MAGI2: variants seen among roughly 807,000 people sequenced by gnomAD.
MAGI2 encodes membrane associated guanylate kinase, WW and PDZ domain containing 2.
In MAGI2, 35 loss-of-function variants were observed where a neutral mutation model predicts 133.3. That is an observed-to-expected ratio of 0.26 (90% CI 0.20 to 0.35). MAGI2 has a LOEUF of 0.35. MAGI2 is among the 10% of genes least tolerant of loss of function. MAGI2 has a pLI of 1.00. For synonymous variants in MAGI2, 729 were observed against 710.6 expected (o/e 1.03, Z -0.41); for missense variants, 1,636 against 1,863.4 (o/e 0.88, Z 2.25).
intron 1 of MAGI2, among the ~76,000 whole-genome samples, chr7:79,041,848 A>G (rs1244301669): frequency 6.6e-6 from 1 of 152,178 alleles, no homozygotes; most frequent in Non-Finnish European, 1.5e-5. Flanking sequence ...ACCATGGACA[A>G]ATAACTTGAA....
intron 1 of MAGI2, among the ~76,000 whole-genome samples, chr7:79,041,366 A>T (rs1811651223): frequency 6.6e-6 from 1 of 152,196 alleles, no homozygotes; most frequent in Non-Finnish European, 1.5e-5. Flanking sequence ...TGGAAAAACA[A>T]GGCAACTGTT....
intron 1 of MAGI2, among the ~76,000 whole-genome samples, chr7:79,065,020 T>C (rs1181871992): frequency 6.6e-6 from 1 of 152,056 alleles, no homozygotes; most frequent in East Asian, 1.9e-4. Context: ...TGCAGAGCTA[T>C]TTATTCACAC....
intron 9 of MAGI2, among the ~76,000 whole-genome samples, chr7:78,302,166 A>C (rs1797887587): frequency 1.3e-5 from 2 of 152,246 alleles, no homozygotes; most frequent in South Asian, 4.1e-4. Context: ...ATTGAATTAC[A>C]TTAAATATTA....
rs754065653 is a variant in MAGI2 at position 78,167,912 on chromosome 7, A to C, written c.2596+4T>G. 6.2e-6 allele frequency: 10 copies of C among 1,613,020 alleles called. No individual in the cohort carries two copies. Among genetic ancestry groups the C allele is most frequent in the Non-Finnish European group, 8.5e-7 (1 of 1,179,244 alleles). On this transcript the variant is annotated splice_donor_region_variant and intron_variant, in intron 15 of 21. Coordinates refer to ENST00000354212, the MANE Select transcript of MAGI2 (RefSeq NM_012301.4). Reference sequence around the variant, plus strand: ...GATTCCTGCAGCAGGCTCCAGGTACATACCTCCACATAGCACCTTTCTTCT... The same window carrying C: ...GATTCCTGCAGCAGGCTCCAGGTACCTACCTCCACATAGCACCTTTCTTCT...
rs539179987 is a variant in MAGI2 at position 78,533,078 on chromosome 7, A to T, written c.539-11433T>A. On this transcript the variant is annotated intron_variant, in intron 3 of 21. Coordinates refer to ENST00000354212, the MANE Select transcript of MAGI2 (RefSeq NM_012301.4). ...TGCCTCAGCCTCCCAAGTAGCTGGGACTACAGGTGCCCACCACCACACCCG... is the reference window on the plus strand; with the variant it reads ...TGCCTCAGCCTCCCAAGTAGCTGGGTCTACAGGTGCCCACCACCACACCCG... 1.7e-3 allele frequency among the ~76,000 whole-genome samples: 254 copies of T among 152,134 alleles called. 2 individuals are homozygous for T. Among genetic ancestry groups the T allele is most frequent in the African/African-American group, 5.8e-3 (242 of 41,508 alleles).
chr7:79,391,029 G>A (rs909688512), intron 1 of MAGI2, among the ~76,000 whole-genome samples: 5 of 152,086 alleles, frequency 3.3e-5, no homozygotes, highest in African/African-American at 9.7e-5. Context: ...CTCAATACAC[G>A]AAATGTAGCT....
At chr7:78,310,824 A>G (rs1798639539) in intron 9 of MAGI2, among the ~76,000 whole-genome samples, 1 of 152,244 alleles carries the variant, frequency 6.6e-6, no homozygotes, top group Non-Finnish European at 1.5e-5. Context: ...AGCTATTTTG[A>G]TAAGGGAATA....
intron 2 of MAGI2, among the ~76,000 whole-genome samples, chr7:78,800,984 T>C (rs1788013054): frequency 6.6e-6 from 1 of 152,194 alleles, no homozygotes; most frequent in African/African-American, 2.4e-5. Context: ...CGTAATTTCA[T>C]AGAAACCAGG....
chr7:78,440,645 A>T (rs1212761262), intron 6 of MAGI2, among the ~76,000 whole-genome samples: 1 of 152,192 alleles, frequency 6.6e-6, no homozygotes, highest in East Asian at 1.9e-4. Flanking sequence ...TGAATTTGAC[A>T]GTCAAGTTTA....
At chr7:78,564,948 C>T (rs977658040) in intron 3 of MAGI2, among the ~76,000 whole-genome samples, 1 of 151,642 alleles carries the variant, frequency 6.6e-6, no homozygotes. Context: ...CACCCGCCAC[C>T]ACGCCCAGCT....
chr7:78,259,759 T>C (rs1793337802), intron 9 of MAGI2, among the ~76,000 whole-genome samples: 1 of 152,160 alleles, frequency 6.6e-6, no homozygotes, highest in Admixed American at 6.6e-5. Context: ...TCCTTCCCTC[T>C]GCTCTGCCAG....
intron 2 of MAGI2, among the ~76,000 whole-genome samples, chr7:78,786,538 C>T (rs1404262152): frequency 1.3e-5 from 2 of 152,190 alleles, no homozygotes; most frequent in Non-Finnish European, 2.9e-5. Context: ...GTTCACTGGA[C>T]TCTGGCCACA....
intron 1 of MAGI2, among the ~76,000 whole-genome samples, chr7:79,367,217 T>C (rs1170123172): frequency 1.3e-5 from 2 of 152,224 alleles, no homozygotes; most frequent in Non-Finnish European, 2.9e-5. Context: ...TGCTAATAAC[T>C]AGAAGAAATG....
At chr7:78,476,138 T>G (rs1371062657) in intron 6 of MAGI2, among the ~76,000 whole-genome samples, 1 of 151,950 alleles carries the variant, frequency 6.6e-6, no homozygotes, top group Non-Finnish European at 1.5e-5. Flanking sequence ...GTCTGTCATA[T>G]GGACAACCAG....
At chr7:78,533,948 G>C (rs919023267) in intron 3 of MAGI2, among the ~76,000 whole-genome samples, 13 of 152,282 alleles carry the variant, frequency 8.5e-5, no homozygotes, top group African/African-American at 2.9e-4. Flanking sequence ...GGGTTGAGCT[G>C]CTTATTGCCT....
chr7:78,111,307 C>T (rs552845094), intron 20 of MAGI2, among the ~76,000 whole-genome samples: 8 of 152,250 alleles, frequency 5.3e-5, no homozygotes, highest in African/African-American at 1.4e-4. Flanking sequence ...CCATAGGCAC[C>T]GGCCCCCACC....
chr7:78,497,722 T>TTCTATCTATCTA (rs71517019), intron 5 of MAGI2, among the ~76,000 whole-genome samples: 1,454 of 97,236 alleles, frequency 0.015, 17 homozygotes, highest in East Asian at 0.053. Context: ...GAAATAACTA[T>TTCTATCTATCTA]TCTATCTATC....
chr7:78,465,805 C>A (rs564035799), intron 6 of MAGI2, among the ~76,000 whole-genome samples: 1 of 152,132 alleles, frequency 6.6e-6, no homozygotes, highest in African/African-American at 2.4e-5. Flanking sequence ...ATCCGTAAAC[C>A]AAATCCCTTC....
At chr7:78,303,055 G>C (rs924569178) in intron 9 of MAGI2, among the ~76,000 whole-genome samples, 1 of 152,106 alleles carries the variant, frequency 6.6e-6, no homozygotes, top group East Asian at 1.9e-4. Flanking sequence ...ACTGAGTTTT[G>C]AAGAATGAAT....
Sources: gnomAD v4.1 joint callset for allele counts (sites outside exome capture counted in the v4.1 genomes callset) on GRCh38, gnomAD v4.1.1 for gene constraint, MANE v1.5 for transcripts, NCBI Gene and HGNC (gene_info 2026-07-23, HGNC 2026-07-21) for gene names.